The following ADSS1 variants were observed in gnomAD, a reference collection of about 807,000 sequenced individuals.
ADSS1 encodes the protein adenylosuccinate synthase 1.
A neutral mutation model predicts 59.1 loss-of-function variants in ADSS1; 57 were observed. That is an observed-to-expected ratio of 0.97 (90% CI 0.78 to 1.20). The LOEUF is 1.20. ADSS1 is among the 50% of genes most tolerant of loss of function. The pLI is 0.00. For missense variants in ADSS1, 603 were observed against 610.3 expected, an observed-to-expected ratio of 0.99 and a Z score of 0.13; for synonymous variants, 247 against 249.4, an observed-to-expected ratio of 0.99 and a Z score of 0.09.
intron 1 of ADSS1, among the ~76,000 whole-genome samples, chr14:104,726,753 G>A (rs1354156544): frequency 3.9e-5 from 6 of 152,222 alleles, no homozygotes; most frequent in African/African-American, 1.4e-4. Flanking sequence ...ACAGAGCGAG[G>A]GCCGAGTGGT....
chr14:104,745,942 G>T, intron 11 of ADSS1: 1 of 255,406 alleles, frequency 3.9e-6, no homozygotes, highest in Non-Finnish European at 7.5e-6. Context: ...CCAAGCCAAG[G>T]CTTGGAGTGC....
Position 104,741,868 on chromosome 14 carries a change from TCATC to T in ADSS1, c.817_820del (p.Ser273ThrfsTer18). ...TGCAGGGACCTACCCCTTTGTGACTTCATCCAACTGCACCGTGGGCGGTGTGTGC... is the reference window on the plus strand; with the variant it reads ...TGCAGGGACCTACCCCTTTGTGACTTCAACTGCACCGTGGGCGGTGTGTGC... On this transcript the variant is annotated frameshift_variant, in exon 9 of 13. Coordinates refer to ENST00000330877, the MANE Select transcript of ADSS1 (RefSeq NM_152328.5). LOFTEE classifies it high-confidence loss of function. The T allele has an allele frequency of 1.2e-6, 2 of 1,613,346 alleles. No individual in the cohort carries two copies. Among genetic ancestry groups the T allele is most frequent in the Non-Finnish European group, 1.7e-6 (2 of 1,179,968 alleles).
At chr14:104,734,617 G>A (rs1206283307) in intron 1 of ADSS1, among the ~76,000 whole-genome samples, 2 of 152,234 alleles carry the variant, frequency 1.3e-5, no homozygotes, top group Non-Finnish European at 2.9e-5. Flanking sequence ...CCAAAGGGAA[G>A]GGTTTCTGCT....
chr14:104,743,244 C>G, intron 10 of ADSS1, 53 bp downstream of exon 10: 1 of 1,594,838 alleles, frequency 6.3e-7, no homozygotes, highest in East Asian at 2.2e-5. Flanking sequence ...CTCCCGACAC[C>G]TGCAGAGGCA....
intron 8 of ADSS1, among the ~76,000 whole-genome samples, chr14:104,741,568 C>A (rs1277942525): frequency 1.3e-5 from 2 of 152,140 alleles, no homozygotes; most frequent in African/African-American, 4.8e-5. Flanking sequence ...CCCACGGGCG[C>A]ACCAGCTTAC....
intron 2 of ADSS1, among the ~76,000 whole-genome samples, chr14:104,736,161 C>G (rs1891115009): frequency 6.6e-6 from 1 of 152,240 alleles, no homozygotes; most frequent in Non-Finnish European, 1.5e-5. Flanking sequence ...CAGACCCAGT[C>G]CCTGGCCCTC....
intron 1 of ADSS1, among the ~76,000 whole-genome samples, chr14:104,733,009 C>A (rs938277078): frequency 1.3e-5 from 2 of 152,206 alleles, no homozygotes; most frequent in African/African-American, 4.8e-5. Flanking sequence ...CCAGGGCTGA[C>A]TCAGCGTCTG....
chr14:104,727,655 C>T (rs1313322450), intron 1 of ADSS1, among the ~76,000 whole-genome samples: 1 of 152,174 alleles, frequency 6.6e-6, no homozygotes, highest in African/African-American at 2.4e-5. Flanking sequence ...CGTTTCCTTC[C>T]CCTGCGTGCT....
chr14:104,739,446 C>T, intron 4 of ADSS1, 68 bp downstream of exon 4: 1 of 1,523,136 alleles, frequency 6.6e-7, no homozygotes, highest in Non-Finnish European at 8.9e-7. Flanking sequence ...GGCCCTGCTC[C>T]TACATGGCCA....
chr14:104,735,162 G>A, intron 2 of ADSS1, 40 bp downstream of exon 2: 1 of 1,548,372 alleles, frequency 6.5e-7, no homozygotes, highest in South Asian at 1.2e-5. Context: ...GCAGGAAAGG[G>A]GGTGTCAGCC....
At chr14:104,743,330 A>T (rs4587901) in intron 10 of ADSS1, 139 bp downstream of exon 10, 115,790 of 1,303,744 alleles carry the variant, frequency 0.089, 9,557 homozygotes, top group East Asian at 0.45. Flanking sequence ...ACCCTTCCAC[A>T]AAGCACGGCC....
chr14:104,739,418 C>A, intron 4 of ADSS1, 40 bp downstream of exon 4: 1 of 1,581,624 alleles, frequency 6.3e-7, no homozygotes. Flanking sequence ...GCCCCTCCTG[C>A]CCCCACCATT....
intron 4 of ADSS1, 41 bp downstream of exon 4, chr14:104,739,419 C>T: frequency 6.3e-7 from 1 of 1,581,488 alleles, no homozygotes; most frequent in Non-Finnish European, 8.6e-7. Flanking sequence ...CCCCTCCTGC[C>T]CCCACCATTG....
chr14:104,729,818 G>C (rs1326098431), intron 1 of ADSS1: 1 of 465,956 alleles, frequency 2.1e-6, no homozygotes, highest in Admixed American at 4.4e-5. Context: ...CGTCGGCGTC[G>C]TGGGGAGGAG....
At chr14:104,746,174 A>G (rs1022859745) in intron 11 of ADSS1, 62 bp from the exon 12 acceptor site, 4 of 1,541,864 alleles carry the variant, frequency 2.6e-6, no homozygotes, top group Middle Eastern at 1.8e-4. Flanking sequence ...GTCACCAAAT[A>G]TCCGCTTCCC....
At chr14:104,736,571 C>T (rs1329662194) in intron 2 of ADSS1, among the ~76,000 whole-genome samples, 2 of 152,142 alleles carry the variant, frequency 1.3e-5, no homozygotes, top group Non-Finnish European at 2.9e-5. Context: ...ACTGAAGTCC[C>T]GTCTCCCTCA....
chr14:104,743,480 G>A, intron 10 of ADSS1: 1 of 373,002 alleles, frequency 2.7e-6, no homozygotes. Context: ...CATGTGGAGA[G>A]CGGAAGTACC....
Position 104,741,257 on chromosome 14 carries a change from G to A in ADSS1, c.793+14G>A. ...ACATTGACTTCGGTATGTCCGGGAG[G>A]GTGTGCGTGCCAACGACCTTTCGTG... On this transcript the variant is annotated intron_variant, in intron 8 of 12. Coordinates refer to ENST00000330877, the MANE Select transcript of ADSS1 (RefSeq NM_152328.5). 2 of 1,547,784 alleles carry A rather than the reference G, an allele frequency of 1.3e-6. No individual in the cohort carries two copies. Among genetic ancestry groups the A allele is most frequent in the South Asian group, 2.5e-5 (2 of 81,066 alleles).
At chr14:104,732,439 T>C (rs984130361) in intron 1 of ADSS1, among the ~76,000 whole-genome samples, 1 of 152,138 alleles carries the variant, frequency 6.6e-6, no homozygotes, top group African/African-American at 2.4e-5. Context: ...CGTCCTGGGC[T>C]CCCCAGAACT....
Sources: gnomAD v4.1 joint callset for allele counts (sites outside exome capture counted in the v4.1 genomes callset) on GRCh38, gnomAD v4.1.1 for gene constraint, MANE v1.5 for transcripts, NCBI Gene and HGNC (gene_info 2026-07-23, HGNC 2026-07-21) for gene names.